The following MEGF10 variants were observed in gnomAD, a reference collection of about 807,000 sequenced individuals.
MEGF10 encodes multiple EGF like domains 10.
In MEGF10, 86 loss-of-function variants were observed where a neutral mutation model predicts 147.5. The observed-to-expected ratio is 0.58, with a 90% confidence interval of 0.49 to 0.70. MEGF10 has a LOEUF of 0.70. Among genes scored for constraint, MEGF10 ranks in the 30% least tolerant of loss-of-function variants. The probability of loss-of-function intolerance (pLI) is 0.00; values close to 1 mark genes in which losing one functional copy is unlikely to be tolerated. For synonymous variants in MEGF10, 478 were observed against 525.5 expected (o/e 0.91, Z 1.24); for missense variants, 1,329 against 1,487.3 (o/e 0.89, Z 1.75).
At chr5:127,241,842 C>T in the MEGF10 span, among the ~76,000 whole-genome samples, 5 of 152,058 alleles carry the variant, frequency 3.3e-5, no homozygotes, top group Non-Finnish European at 5.9e-5. Context: ...CAAGACAGCA[C>T]AGCATCTCAC....
chr5:127,452,142 C>T (rs947417126), intron 22 of MEGF10, among the ~76,000 whole-genome samples: 7 of 152,186 alleles, frequency 4.6e-5, no homozygotes, highest in African/African-American at 1.7e-4. Flanking sequence ...AAAACAGCTC[C>T]CTGATCCTCC....
Position 127,447,660 on chromosome 5 carries a change from C to T in MEGF10, c.2832C>T (p.Asn944=). The T allele has an allele frequency of 1.9e-6, 3 of 1,614,154 alleles. No individual in the cohort carries two copies. The highest frequency in any genetic ancestry group is 1.3e-5 in the African/African-American group (1 of 75,042). ...GTGCCACATCCCCTCACGTCAACAA[C>T]AGGGACAGGATGACTGTCACGAAGG... The part of the protein sequence containing the change: ...TQCATSPHVN[N]RDRMTVTKSK... The change falls in exon 21 of 25, where the codon AAC becomes AAT. Residue 944 remains asparagine, a synonymous_variant. Transcript: ENST00000503335.
chr5:127,309,440 C>T (rs1471167552), intron 1 of MEGF10, among the ~76,000 whole-genome samples: 1 of 152,202 alleles, frequency 6.6e-6, no homozygotes, highest in Non-Finnish European at 1.5e-5. Context: ...AATAGCAGCT[C>T]CCCATTTTCC....
At chr5:127,346,655 G>T (rs1279610148) in intron 4 of MEGF10, among the ~76,000 whole-genome samples, 1 of 152,154 alleles carries the variant, frequency 6.6e-6, no homozygotes, top group African/African-American at 2.4e-5. Context: ...CTCCCACTCT[G>T]TGGGTTATCT....
chr5:127,406,755 G>C (rs1042592272), intron 8 of MEGF10, among the ~76,000 whole-genome samples: 3 of 152,210 alleles, frequency 2.0e-5, no homozygotes, highest in Admixed American at 2.0e-4. Context: ...GAAAGGTTGA[G>C]AGGATATTGT....
At chr5:127,261,377 T>C in the MEGF10 span, among the ~76,000 whole-genome samples, 4 of 152,332 alleles carry the variant, frequency 2.6e-5, no homozygotes, top group South Asian at 2.1e-4. Flanking sequence ...TTGTAATGGA[T>C]ACTTTCACTT....
chr5:127,439,997 G>C (rs1182607496), intron 17 of MEGF10, among the ~76,000 whole-genome samples: 1 of 152,178 alleles, frequency 6.6e-6, no homozygotes, highest in African/African-American at 2.4e-5. Context: ...AAAAGCATAT[G>C]TAATATTTGG....
chr5:127,274,093 T>C, the MEGF10 span, among the ~76,000 whole-genome samples: 1 of 152,060 alleles, frequency 6.6e-6, no homozygotes, highest in African/African-American at 2.4e-5. Context: ...TCTTAAATCA[T>C]GGTAAATAAC....
chr5:127,369,364 G>A (rs1388240717), intron 4 of MEGF10, among the ~76,000 whole-genome samples: 2 of 152,094 alleles, frequency 1.3e-5, no homozygotes, highest in Non-Finnish European at 2.9e-5. Flanking sequence ...AGACCTGGGT[G>A]GCATTTTTCA....
At chr5:127,332,885 T>C (rs992460086) in intron 2 of MEGF10, among the ~76,000 whole-genome samples, 2 of 152,068 alleles carry the variant, frequency 1.3e-5, no homozygotes, top group Non-Finnish European at 2.9e-5. Flanking sequence ...GGAGGGATGA[T>C]AGATTTGGGA....
intron 1 of MEGF10, among the ~76,000 whole-genome samples, chr5:127,318,922 C>A (rs973119876): frequency 6.6e-6 from 1 of 152,152 alleles, no homozygotes; most frequent in Non-Finnish European, 1.5e-5. Flanking sequence ...TCCTGAAAAA[C>A]CTGTGACTTG....
chr5:127,443,040 G>A lies in MEGF10; in HGVS notation c.2405G>A (p.Cys802Tyr). ...GTYGYGCRQI[C>Y]DCLNNSTCDH... ...TATGGCTATGGCTGTCGCCAGATAT[G>A]TGATTGTCTGAACAACTCCACCTGC... is the stretch of plus-strand genomic sequence containing the variant. The change falls in exon 19 of 25, where the codon TGT (cysteine) becomes TAT (tyrosine). Residue 802 changes from cysteine to tyrosine, a missense_variant. By Grantham distance (194) the Cys-to-Tyr change is radical. This residue lies in a region of MEGF10 where 980 missense variants were observed against 1,085.9 expected (regional missense o/e 0.90). Transcript: ENST00000503335. The A allele has an allele frequency of 6.2e-7, 1 of 1,613,820 alleles. No homozygotes were observed. The highest frequency in any genetic ancestry group is 8.5e-7 in the Non-Finnish European group (1 of 1,179,764).
intron 5 of MEGF10, among the ~76,000 whole-genome samples, chr5:127,376,336 G>A (rs1310257042): frequency 2.6e-5 from 4 of 152,132 alleles, no homozygotes; most frequent in African/African-American, 9.7e-5. Flanking sequence ...AGAGGGAGAG[G>A]CTGGAGACTG....
In MEGF10 at chr5:127,442,893, A is replaced by T. The variant is rs927370207; in HGVS notation, c.2363-105A>T. On this transcript the variant is annotated intron_variant, in intron 18 of 24. Transcript: ENST00000503335. ...GGGGTACAAGTCAGCCTCAATAGGA[A>T]TCCCCTGAAAGGACTCAGCTCTAGA... 10 of 1,214,720 alleles carry T rather than the reference A, an allele frequency of 8.2e-6. No individual in the cohort carries two copies. In the African/African-American group the frequency reaches 1.5e-4, roughly 18 times the overall value. 75.2% of individuals were successfully genotyped at this position (1,214,720 alleles called of 1,614,324 possible).
At chr5:127,325,976 T>A (rs1179054716) in intron 1 of MEGF10, among the ~76,000 whole-genome samples, 1 of 149,632 alleles carries the variant, frequency 6.7e-6, no homozygotes, top group Non-Finnish European at 1.5e-5. Flanking sequence ...CAATCACAGC[T>A]CACTGTAGCC....
At chr5:127,371,127 T>C (rs246891) in intron 5 of MEGF10, among the ~76,000 whole-genome samples, 98 of 152,038 alleles carry the variant, frequency 6.4e-4, no homozygotes, top group Non-Finnish European at 1.0e-3. Context: ...GCCCTTGTGC[T>C]GTCTGTGCAC....
At chr5:127,261,454 T>C in the MEGF10 span, among the ~76,000 whole-genome samples, 1 of 152,218 alleles carries the variant, frequency 6.6e-6, no homozygotes, top group Non-Finnish European at 1.5e-5. Context: ...TTTCATGTGG[T>C]CTGATTACTA....
chr5:127,360,718 C>T (rs1297953820), intron 4 of MEGF10, among the ~76,000 whole-genome samples: 1 of 151,758 alleles, frequency 6.6e-6, no homozygotes, highest in Non-Finnish European at 1.5e-5. Context: ...TTGCTAAATG[C>T]AGGCATCTTT....
At chr5:127,379,069 T>C (rs1429591221) in intron 5 of MEGF10, among the ~76,000 whole-genome samples, 2 of 149,070 alleles carry the variant, frequency 1.3e-5, no homozygotes, top group African/African-American at 5.0e-5. Flanking sequence ...TTTTTCTTTT[T>C]TTTTTTTTTT....
Sources: gnomAD v4.1 joint callset for allele counts (sites outside exome capture counted in the v4.1 genomes callset) on GRCh38, gnomAD v4.1.1 for gene constraint, gnomAD v4.1.1 regional missense constraint, MANE v1.5 for transcripts, NCBI Gene and HGNC (gene_info 2026-07-23, HGNC 2026-07-21) for gene names.